The following GALNT1 variants were observed in gnomAD, a reference collection of about 807,000 sequenced individuals.
GALNT1 encodes the protein polypeptide N-acetylgalactosaminyltransferase 1.
GALNT1 carries 17 observed loss-of-function variants against 65.7 expected under a neutral mutation model. The observed-to-expected ratio is 0.26, with a 90% CI of 0.18 to 0.39. The LOEUF is 0.39. GALNT1 is among the 10% of genes least tolerant of loss of function. The probability of loss-of-function intolerance (pLI) is 1.00; values close to 1 mark genes in which losing one functional copy is unlikely to be tolerated. For missense variants in GALNT1, 460 were observed against 672.8 expected (o/e 0.68, Z 3.50); for synonymous variants, 210 against 219.7 (o/e 0.96, Z 0.39).
chr18:35,643,711 T>G (rs2047194425), intron 1 of GALNT1, among the ~76,000 whole-genome samples: 2 of 149,610 alleles, frequency 1.3e-5, no homozygotes, highest in African/African-American at 5.0e-5. Context: ...GGCAGGAGAA[T>G]GGCGTGAACC....
In GALNT1 at chr18:35,669,932, A is replaced by T. The variant is rs532721644; in HGVS notation, c.314+6130A>T. On this transcript the variant is annotated intron_variant, in intron 3 of 11. Coordinates refer to ENST00000269195, the MANE Select transcript of GALNT1 (RefSeq NM_020474.4). ...ACTTTAAGAAGTTCATTAAAATTTT[A>T]TTATTTGCAGTTGACATGATTGTGT... 7.2e-4 allele frequency among the ~76,000 whole-genome samples: 109 copies of T among 152,344 alleles called. No homozygotes were observed. The Middle Eastern group carries it at 0.017, about 24-fold the overall frequency.
chr18:35,701,494 A>G (rs1423370291), intron 9 of GALNT1, among the ~76,000 whole-genome samples: 1 of 152,212 alleles, frequency 6.6e-6, no homozygotes, highest in African/African-American at 2.4e-5. Flanking sequence ...CTTTTATACA[A>G]CCTAACACAA....
chr18:35,602,863 C>T (rs1004507634), intron 1 of GALNT1, among the ~76,000 whole-genome samples: 2 of 152,118 alleles, frequency 1.3e-5, no homozygotes, highest in African/African-American at 2.4e-5. Context: ...TCTGGCTTCT[C>T]ACTTTGTCCT....
chr18:35,584,786 A>G (rs2046361372), intron 1 of GALNT1, among the ~76,000 whole-genome samples: 1 of 152,180 alleles, frequency 6.6e-6, no homozygotes, highest in African/African-American at 2.4e-5. Flanking sequence ...CCCTATGAGA[A>G]TTTAATGCCG....
intron 1 of GALNT1, chr18:35,597,230 A>G (rs2046516514): frequency 6.6e-6 from 1 of 152,182 alleles, no homozygotes; most frequent in Non-Finnish European, 1.5e-5. Context: ...TGCTGGATGT[A>G]CCAGGGGTGA....
chr18:35,600,231 T>A (rs929068842), intron 1 of GALNT1, among the ~76,000 whole-genome samples: 2 of 152,200 alleles, frequency 1.3e-5, no homozygotes, highest in East Asian at 3.8e-4. Flanking sequence ...GTAGAGATCA[T>A]TCCTTTCTTT....
Position 35,623,056 on chromosome 18 carries a change from T to A in GALNT1, c.-103-31504T>A, listed in dbSNP as rs539694497. Among the ~76,000 whole-genome samples, 1,091 of 152,298 alleles carry A rather than the reference T, an allele frequency of 7.2e-3. 13 individuals are homozygous for A. The highest frequency in any genetic ancestry group is 0.024 in the African/African-American group (1,013 of 41,580). ...TAATAAGTTGTACAACACAGAGTTA[T>A]AACTTTTGTTTTAATTGGGTATACA... is the stretch of plus-strand genomic sequence containing the variant. On this transcript the variant is annotated intron_variant, in intron 1 of 11. Coordinates refer to ENST00000269195, the MANE Select transcript of GALNT1 (RefSeq NM_020474.4).
chr18:35,679,231 A>G (rs571800276), intron 4 of GALNT1, among the ~76,000 whole-genome samples: 2 of 152,346 alleles, frequency 1.3e-5, no homozygotes, highest in South Asian at 4.1e-4. Context: ...TATCCTGCAA[A>G]TGACTTGTGC....
rs537733782 is a variant in GALNT1 at position 35,709,486 on chromosome 18, A to G, written c.1534-138A>G. The G allele has an allele frequency of 1.1e-5, 8 of 745,634 alleles. No homozygotes were observed. In the South Asian group the frequency reaches 1.7e-4, roughly 16 times the overall value. 46.2% of individuals were successfully genotyped at this position (745,634 alleles called of 1,614,324 possible). ...TGTTTCTCCATCCATCCACCTACCT[A>G]CCTTTTCTCCGTTGTCTTTTAAATA... On this transcript the variant is annotated intron_variant, in intron 11 of 11. Coordinates refer to ENST00000269195, the MANE Select transcript of GALNT1 (RefSeq NM_020474.4).
rs2046806096 is a variant in GALNT1 at position 35,617,994 on chromosome 18, T to C, written c.-104+36132T>C. On this transcript the variant is annotated intron_variant, in intron 1 of 11. Transcript: ENST00000269195. ...TATAATGAAACCATAAACTTTGCTCTAGCAGATAAAGGTTTCATCTTTTAA... is the reference window on the plus strand; with the variant it reads ...TATAATGAAACCATAAACTTTGCTCCAGCAGATAAAGGTTTCATCTTTTAA... Among the ~76,000 whole-genome samples the C allele has an allele frequency of 2.0e-5, 3 of 152,028 alleles. 1 individual carries two copies. In the South Asian group the frequency reaches 6.2e-4, roughly 32 times the overall value.
intron 6 of GALNT1, among the ~76,000 whole-genome samples, chr18:35,688,494 C>T (rs1030719985): frequency 2.0e-5 from 3 of 152,034 alleles, no homozygotes; most frequent in African/African-American, 4.8e-5. Context: ...TTAATAATTT[C>T]TCTGCTTAAT....
intron 1 of GALNT1, among the ~76,000 whole-genome samples, chr18:35,610,131 A>G (rs1382542729): frequency 6.6e-6 from 1 of 152,222 alleles, no homozygotes; most frequent in African/African-American, 2.4e-5. Flanking sequence ...CATGGAAGCC[A>G]GAGAAAGCAT....
intron 5 of GALNT1, among the ~76,000 whole-genome samples, chr18:35,684,554 G>A (rs1013157714): frequency 6.6e-6 from 1 of 152,182 alleles, no homozygotes; most frequent in Non-Finnish European, 1.5e-5. Flanking sequence ...AGAAAGCAAG[G>A]TGAGGTGATG....
At chr18:35,641,825 A>G (rs936270944) in intron 1 of GALNT1, among the ~76,000 whole-genome samples, 2 of 152,158 alleles carry the variant, frequency 1.3e-5, no homozygotes, top group East Asian at 1.9e-4. Flanking sequence ...CCACCTAACA[A>G]CCATACGTAT....
chr18:35,680,034 T>C (rs1449751991), intron 4 of GALNT1, among the ~76,000 whole-genome samples: 1 of 152,198 alleles, frequency 6.6e-6, no homozygotes, highest in Admixed American at 6.5e-5. Flanking sequence ...TTCGCTTCCA[T>C]GCTTAAAACC....
At chr18:35,627,694 G>C (rs1010262788) in intron 1 of GALNT1, among the ~76,000 whole-genome samples, 6 of 152,092 alleles carry the variant, frequency 3.9e-5, no homozygotes, top group African/African-American at 1.4e-4. Flanking sequence ...GAGGTACCGG[G>C]TTCATATCAC....
chr18:35,687,307 G>A, intron 6 of GALNT1, 121 bp downstream of exon 6: 1 of 792,774 alleles, frequency 1.3e-6, no homozygotes, highest in South Asian at 2.8e-5. Context: ...ATACCTTATG[G>A]TAGTTAACAG....
At chr18:35,602,654 T>A (rs1459710604) in intron 1 of GALNT1, among the ~76,000 whole-genome samples, 2 of 152,346 alleles carry the variant, frequency 1.3e-5, no homozygotes, top group Non-Finnish European at 2.9e-5. Context: ...AATACACTTT[T>A]CAGTTTAGCA....
At chr18:35,606,772 T>C (rs930290130) in intron 1 of GALNT1, among the ~76,000 whole-genome samples, 1 of 151,896 alleles carries the variant, frequency 6.6e-6, no homozygotes, top group African/African-American at 2.4e-5. Context: ...GACTCTTGGA[T>C]GTTTCAAGTG....
Sources: allele counts gnomAD v4.1 joint callset (sites outside exome capture counted in the v4.1 genomes callset), GRCh38; gene constraint gnomAD v4.1.1; transcripts MANE v1.5; gene names NCBI Gene and HGNC (gene_info 2026-07-23, HGNC 2026-07-21).